Variants in TXNRD1 observed in about 807,000 individuals in gnomAD.
TXNRD1 encodes thioredoxin reductase 1, also known as thioredoxin reductase 1, cytoplasmic.
A neutral mutation model predicts 80.3 loss-of-function variants in TXNRD1; 57 were observed. That is an observed-to-expected ratio of 0.71 (90% CI 0.57 to 0.89). The LOEUF (loss-of-function observed/expected upper bound fraction) is 0.89. Among genes scored for constraint, TXNRD1 ranks in the 40% least tolerant of loss-of-function variants. TXNRD1 has a pLI of 0.00. For missense variants in TXNRD1, 730 were observed against 803.0 expected, an observed-to-expected ratio of 0.91 and a Z score of 1.10; for synonymous variants, 291 against 285.2, an observed-to-expected ratio of 1.02 and a Z score of -0.20.
chr12:104,319,631 T>C, intron 9 of TXNRD1, 46 bp downstream of exon 9: 1 of 1,389,268 alleles, frequency 7.2e-7, no homozygotes, highest in Non-Finnish European at 9.9e-7. Context: ...ATTGTGGATA[T>C]TGCTTTCGCA....
intron 1 of TXNRD1, among the ~76,000 whole-genome samples, chr12:104,237,679 G>A (rs1187897343): frequency 3.3e-5 from 5 of 152,152 alleles, no homozygotes; most frequent in African/African-American, 1.2e-4. Context: ...TGTGTTGTGT[G>A]TAATGTCTAT....
intron 1 of TXNRD1, among the ~76,000 whole-genome samples, chr12:104,248,205 A>T (rs1237922988): frequency 3.3e-5 from 5 of 152,200 alleles, no homozygotes; most frequent in Admixed American, 2.6e-4. Context: ...ACTACCAGTG[A>T]ACATTTAAAG....
At chr12:104,267,691 T>C (rs571940189) in intron 3 of TXNRD1, among the ~76,000 whole-genome samples, 54 of 49,246 alleles carry the variant, frequency 1.1e-3, no homozygotes, top group African/African-American at 2.9e-3. Flanking sequence ...CTTTCTTTCT[T>C]TCTTTCTTTC....
At chr12:104,248,630 G>A (rs918811178) in intron 1 of TXNRD1, among the ~76,000 whole-genome samples, 1 of 152,160 alleles carries the variant, frequency 6.6e-6, no homozygotes, top group South Asian at 2.1e-4. Flanking sequence ...TTGCAAGTCT[G>A]ATTCAGTAGG....
At chr12:104,315,484 A>G (rs1456836324) in intron 6 of TXNRD1, among the ~76,000 whole-genome samples, 1 of 152,172 alleles carries the variant, frequency 6.6e-6, no homozygotes, top group African/African-American at 2.4e-5. Flanking sequence ...TAAGATTTCA[A>G]TTTCTGGCAT....
At chr12:104,233,574 T>G (rs2032669192) in intron 1 of TXNRD1, among the ~76,000 whole-genome samples, 1 of 152,172 alleles carries the variant, frequency 6.6e-6, no homozygotes, top group Non-Finnish European at 1.5e-5. Context: ...CAGGCTGGAG[T>G]GCAATGGCAC....
At chr12:104,290,789 AT>A (rs1238542522) in intron 4 of TXNRD1, among the ~76,000 whole-genome samples, 3 of 107,818 alleles carry the variant, frequency 2.8e-5, no homozygotes, top group Non-Finnish European at 3.8e-5. Context: ...TTATTCTATT[AT>A]TTTCACCTGT....
At chr12:104,223,446 G>A (rs2032398713) in intron 1 of TXNRD1, among the ~76,000 whole-genome samples, 1 of 152,150 alleles carries the variant, frequency 6.6e-6, no homozygotes, top group African/African-American at 2.4e-5. Flanking sequence ...TTTATGTATA[G>A]AGTGAGATCA....
In TXNRD1 at chr12:104,331,517, C is replaced by G; in HGVS notation, c.1543-17C>G. On this transcript the variant is annotated splice_polypyrimidine_tract_variant and intron_variant, in intron 13 of 16. Coordinates refer to ENST00000525566, the MANE Select transcript of TXNRD1 (RefSeq NM_001093771.3). ...TAACTTTGCCTATTATAACTCCTTA[C>G]CTCCATTTTTAAACAGTGTGACTAT... 1 of 1,547,430 alleles carries G rather than the reference C, an allele frequency of 6.5e-7. No homozygotes were observed.
intron 16 of TXNRD1, among the ~76,000 whole-genome samples, chr12:104,342,038 G>A (rs1448835680): frequency 6.6e-6 from 1 of 152,162 alleles, no homozygotes; most frequent in African/African-American, 2.4e-5. Context: ...TCCTCTCTAG[G>A]TGTGGCATCT....
chr12:104,248,883 G>A (rs184412500), intron 1 of TXNRD1, among the ~76,000 whole-genome samples: 7 of 151,854 alleles, frequency 4.6e-5, no homozygotes, highest in East Asian at 3.9e-4. Context: ...TGGAGTGCAC[G>A]ATCTCGGCTC....
chr12:104,341,136 G>A (rs1353897919), intron 16 of TXNRD1, among the ~76,000 whole-genome samples: 4 of 152,148 alleles, frequency 2.6e-5, no homozygotes, highest in Non-Finnish European at 5.9e-5. Context: ...GACGTCTCCT[G>A]AAGCCCATGG....
intron 5 of TXNRD1, among the ~76,000 whole-genome samples, chr12:104,312,253 T>C (rs10861197): frequency 0.49 from 74,091 of 151,920 alleles, 18,524 homozygotes; most frequent in East Asian, 0.62. Flanking sequence ...ACTAACTCTG[T>C]GGTCTGAGGG....
chr12:104,257,919 A>G (rs1383997551), intron 2 of TXNRD1, 100 bp from the exon 3 acceptor site: 1 of 847,172 alleles, frequency 1.2e-6, no homozygotes, highest in African/African-American at 1.7e-5. Context: ...TCAAAGGTGA[A>G]GGCTGGTTGA....
At chr12:104,269,370 C>G (rs906746202) in intron 3 of TXNRD1, among the ~76,000 whole-genome samples, 7 of 146,770 alleles carry the variant, frequency 4.8e-5, no homozygotes, top group African/African-American at 7.6e-5. Flanking sequence ...TTTGTGGGTT[C>G]TTTTTTTCTT....
chr12:104,249,607 A>G (rs2033068434), intron 1 of TXNRD1, among the ~76,000 whole-genome samples: 1 of 152,188 alleles, frequency 6.6e-6, no homozygotes, highest in Non-Finnish European at 1.5e-5. Context: ...ATACATGTTC[A>G]TGGTTTAAAA....
intron 10 of TXNRD1, among the ~76,000 whole-genome samples, chr12:104,324,349 T>A (rs1275189503): frequency 6.6e-6 from 1 of 151,338 alleles, no homozygotes; most frequent in East Asian, 1.9e-4. Flanking sequence ...CCCAGGTGGG[T>A]TTCGTTTTTT....
chr12:104,331,651 T>A lies in TXNRD1; in HGVS notation c.1650+10T>A, dbSNP rs1208658244. On this transcript the variant is annotated intron_variant, in intron 14 of 16. Transcript: ENST00000525566. ...GGAAGAAAATATTGAGGTAAGTTCT[T>A]TTCCTCTTTTCTCCTATGTTATATC... 1 of 1,555,884 alleles carries A rather than the reference T, an allele frequency of 6.4e-7. No homozygotes were observed. The highest frequency in any genetic ancestry group is 1.1e-5 in the South Asian group (1 of 88,200).
chr12:104,237,810 C>G (rs921934388), intron 1 of TXNRD1, among the ~76,000 whole-genome samples: 1 of 151,988 alleles, frequency 6.6e-6, no homozygotes, highest in Non-Finnish European at 1.5e-5. Context: ...ATCAGAAGTT[C>G]GAGACCAGCC....
Sources: gnomAD v4.1 joint callset for allele counts (sites outside exome capture counted in the v4.1 genomes callset) on GRCh38, gnomAD v4.1.1 for gene constraint, MANE v1.5 for transcripts, NCBI Gene and HGNC (gene_info 2026-07-23, HGNC 2026-07-21) for gene names.